MACROD2: variants seen among roughly 807,000 people sequenced by gnomAD.
The protein encoded by MACROD2 is mono-ADP ribosylhydrolase 2, also known as ADP-ribose glycohydrolase MACROD2.
A neutral mutation model predicts 70.4 loss-of-function variants in MACROD2; 36 were observed. The observed-to-expected ratio is 0.51, with a 90% CI of 0.39 to 0.68. The LOEUF (loss-of-function observed/expected upper bound fraction) is 0.68, where lower values mean the gene tolerates loss of function less well. Among genes scored for constraint, MACROD2 ranks in the 30% least tolerant of loss-of-function variants. The pLI, the probability that MACROD2 is intolerant of heterozygous loss-of-function variation, is 0.00. For missense variants in MACROD2, 496 were observed against 538.4 expected, an observed-to-expected ratio of 0.92 and a Z score of 0.78; for synonymous variants, 172 against 178.8, an observed-to-expected ratio of 0.96 and a Z score of 0.30.
At chr20:15,081,905 C>T (rs1182658285) in intron 5 of MACROD2, among the ~76,000 whole-genome samples, 1 of 152,092 alleles carries the variant, frequency 6.6e-6, no homozygotes, top group Non-Finnish European at 1.5e-5. Flanking sequence ...CCATGGACTC[C>T]AAACATATAT....
At chr20:15,463,702 T>C (rs909075781) in intron 7 of MACROD2, among the ~76,000 whole-genome samples, 2 of 152,114 alleles carry the variant, frequency 1.3e-5, no homozygotes, top group Admixed American at 6.5e-5. Context: ...TGAGCCAAGA[T>C]TGTGCCACTG....
In MACROD2 at chr20:15,862,729, T is replaced by C; in HGVS notation, c.646-16T>C. The C allele has an allele frequency of 6.2e-7, 1 of 1,602,424 alleles. No individual in the cohort carries two copies. Among genetic ancestry groups the C allele is most frequent in the Admixed American group, 1.7e-5 (1 of 57,244 alleles). On this transcript the variant is annotated splice_polypyrimidine_tract_variant and intron_variant, in intron 8 of 17. Coordinates refer to ENST00000684519, the MANE Select transcript of MACROD2 (RefSeq NM_001351661.2). ...ATATTTTTTTTCACTTTGAGTGTTT[T>C]ATCTTTTGCCTCTAGGTGGATCGGA... is the stretch of plus-strand genomic sequence containing the variant.
In MACROD2 at chr20:15,039,468, C is replaced by A. The variant is rs80041167; in HGVS notation, c.419-190472C>A. Among the ~76,000 whole-genome samples, 619 of 152,236 alleles carry A rather than the reference C, an allele frequency of 4.1e-3. 21 individuals carry two copies. The highest frequency in any genetic ancestry group is 3.4e-3 in the Middle Eastern group (1 of 294). On this transcript the variant is annotated intron_variant, in intron 5 of 17. Transcript: ENST00000684519. ...AGAAAGGGAATGGGAGAAAGGAGGG[C>A]AAAGGAAGGTTGGAGAGACCTTGCT...
chr20:15,163,837 A>G (rs536620056), intron 5 of MACROD2, among the ~76,000 whole-genome samples: 51 of 152,140 alleles, frequency 3.4e-4, no homozygotes, highest in Non-Finnish European at 6.3e-4. Context: ...GGCCATAGAG[A>G]AAAGTCCAAT....
intron 8 of MACROD2, among the ~76,000 whole-genome samples, chr20:15,694,002 A>G (rs2050332334): frequency 6.6e-6 from 1 of 152,258 alleles, no homozygotes; most frequent in Non-Finnish European, 1.5e-5. Flanking sequence ...CACTTAGAAT[A>G]ATAGTCTCCA....
In MACROD2 at chr20:15,278,962, G is replaced by T. The variant is rs369551810; in HGVS notation, c.540+48901G>T. On this transcript the variant is annotated intron_variant, in intron 6 of 17. Transcript: ENST00000684519. ...TGGATGCCTCGCGTGCCCTGCTTTCGCCTTGCAGTCTGACTATTCCATTTC... is the reference window on the plus strand; with the variant it reads ...TGGATGCCTCGCGTGCCCTGCTTTCTCCTTGCAGTCTGACTATTCCATTTC... Among the ~76,000 whole-genome samples the T allele has an allele frequency of 6.6e-5, 10 of 152,172 alleles. No homozygotes were observed. In the East Asian group the frequency reaches 1.9e-3, roughly 29 times the overall value.
chr20:15,576,141 TC>T lies in MACROD2; in HGVS notation c.645+76295del, dbSNP rs1568903865. On this transcript the variant is annotated intron_variant, in intron 8 of 17. Transcript: ENST00000684519. ...TGTATGCACTAAAATTCACTTCTTT[TC>T]TCTTTCTTTCTTTTTCTGTGAATGA... Among the ~76,000 whole-genome samples, 4 of 152,254 alleles carry T rather than the reference TC, an allele frequency of 2.6e-5. No homozygotes were observed. In the South Asian group the frequency reaches 8.3e-4, roughly 32 times the overall value.
rs144877733 is a variant in MACROD2, at chr20:15,532,200, A to G, written c.645+32353A>G. On this transcript the variant is annotated intron_variant, in intron 8 of 17. Transcript: ENST00000684519. Reference sequence around the variant, plus strand: ...AGTTAGATTTGAATTCAGATGTACAATGAATAATTACCTTAATATAAATGT... The same window carrying G: ...AGTTAGATTTGAATTCAGATGTACAGTGAATAATTACCTTAATATAAATGT... Among the ~76,000 whole-genome samples the G allele has an allele frequency of 4.6e-3, 702 of 152,246 alleles. 8 individuals carry two copies. Among genetic ancestry groups the G allele is most frequent in the African/African-American group, 0.016 (661 of 41,560 alleles).
At chr20:14,712,113 G>A (rs2071345810) in intron 5 of MACROD2, among the ~76,000 whole-genome samples, 1 of 151,786 alleles carries the variant, frequency 6.6e-6, no homozygotes. Context: ...AAATTTTGAG[G>A]GTTTTATTTT....
intron 3 of MACROD2, among the ~76,000 whole-genome samples, chr20:14,229,880 G>A (rs2081784378): frequency 6.6e-6 from 1 of 152,160 alleles, no homozygotes; most frequent in Admixed American, 6.5e-5. Context: ...CGGAGACACT[G>A]CAGTTTTGGT....
chr20:15,995,554 G>A (rs2066616481), intron 15 of MACROD2, among the ~76,000 whole-genome samples: 1 of 149,840 alleles, frequency 6.7e-6, no homozygotes, highest in Non-Finnish European at 1.5e-5. Flanking sequence ...GTTTCACCGT[G>A]TTAGCCAGGA....
At chr20:15,086,310 G>C (rs1181422279) in intron 5 of MACROD2, among the ~76,000 whole-genome samples, 1 of 152,140 alleles carries the variant, frequency 6.6e-6, no homozygotes, top group Non-Finnish European at 1.5e-5. Flanking sequence ...CACTATGTAT[G>C]TTATCTTTTG....
At chr20:14,315,097 T>C (rs2082602112) in intron 3 of MACROD2, among the ~76,000 whole-genome samples, 1 of 152,166 alleles carries the variant, frequency 6.6e-6, no homozygotes, top group African/African-American at 2.4e-5. Flanking sequence ...AGTCAGCATG[T>C]CACAATAAAG....
At chr20:14,551,306 TATTA>T (rs1343509853) in intron 4 of MACROD2, among the ~76,000 whole-genome samples, 1 of 151,798 alleles carries the variant, frequency 6.6e-6, no homozygotes, top group African/African-American at 2.4e-5. Context: ...ATAATCTCTT[TATTA>T]GTTTTCAAAT....
chr20:15,169,022 T>A (rs1204505625), intron 5 of MACROD2, among the ~76,000 whole-genome samples: 1 of 152,072 alleles, frequency 6.6e-6, no homozygotes, highest in Non-Finnish European at 1.5e-5. Context: ...AATGGGAAGT[T>A]ATTATTTATG....
intron 5 of MACROD2, among the ~76,000 whole-genome samples, chr20:15,229,479 CTCT>C (rs1601262667): frequency 6.6e-6 from 1 of 152,038 alleles, no homozygotes; most frequent in African/African-American, 2.4e-5. Context: ...CAGAAACTTG[CTCT>C]TCTTTATTGT....
At chr20:15,492,397 G>A (rs544915208) in intron 7 of MACROD2, among the ~76,000 whole-genome samples, 2 of 151,638 alleles carry the variant, frequency 1.3e-5, no homozygotes, top group South Asian at 2.1e-4. Flanking sequence ...TAGGGTGTGC[G>A]TGTGTGTGTG....
At chr20:15,595,918 T>A (rs1230136983) in intron 8 of MACROD2, among the ~76,000 whole-genome samples, 1 of 152,198 alleles carries the variant, frequency 6.6e-6, no homozygotes, top group Non-Finnish European at 1.5e-5. Context: ...AACCCATATT[T>A]AGCATTTAGC....
At chr20:14,584,144 A>G (rs1336593512) in intron 4 of MACROD2, among the ~76,000 whole-genome samples, 2 of 152,192 alleles carry the variant, frequency 1.3e-5, no homozygotes, top group African/African-American at 2.4e-5. Flanking sequence ...TTTCCTATCC[A>G]GGAAACTCAA....
Sources: allele counts gnomAD v4.1 joint callset (sites outside exome capture counted in the v4.1 genomes callset), GRCh38; gene constraint gnomAD v4.1.1; transcripts MANE v1.5; gene names NCBI Gene and HGNC (gene_info 2026-07-23, HGNC 2026-07-21).